The following CFAP77 variants were observed in gnomAD, a reference collection of about 807,000 sequenced individuals.
The protein encoded by CFAP77 is cilia- and flagella-associated protein 77.
A neutral mutation model predicts 31.1 loss-of-function variants in CFAP77; 25 were observed. That is an observed-to-expected ratio of 0.80 (90% CI 0.59 to 1.12). The LOEUF is 1.12. Among genes scored for constraint, CFAP77 ranks in the 50% most tolerant of loss-of-function variants. CFAP77 has a pLI of 0.00. For missense variants in CFAP77, 377 were observed against 397.3 expected, an observed-to-expected ratio of 0.95 and a Z score of 0.44; for synonymous variants, 151 against 159.9, an observed-to-expected ratio of 0.94 and a Z score of 0.42.
chr9:132,416,497 C>T (rs34434060), intron 1 of CFAP77, among the ~76,000 whole-genome samples: 6,529 of 151,938 alleles, frequency 0.043, 184 homozygotes, highest in Non-Finnish European at 0.063. Flanking sequence ...TGTGCCACCA[C>T]GCCCAGCTAA....
chr9:132,488,490 A>G (rs1436444911), intron 1 of CFAP77, among the ~76,000 whole-genome samples: 1 of 152,072 alleles, frequency 6.6e-6, no homozygotes, highest in Non-Finnish European at 1.5e-5. Flanking sequence ...AGTTAAGGGG[A>G]AAAAAAAGTA....
chr9:132,524,937 T>C (rs1852331251), intron 3 of CFAP77, among the ~76,000 whole-genome samples: 1 of 147,584 alleles, frequency 6.8e-6, no homozygotes, highest in Non-Finnish European at 1.5e-5. Flanking sequence ...CGTGAGCCAC[T>C]GTACCCGGCC....
At chr9:132,534,598 G>A (rs1254355013) in intron 3 of CFAP77, among the ~76,000 whole-genome samples, 27 of 137,818 alleles carry the variant, frequency 2.0e-4, no homozygotes, top group Admixed American at 4.5e-4. Context: ...GCAACAGAGC[G>A]AGACTCTGTC....
At chr9:132,452,202 C>T (rs1850840320) in intron 1 of CFAP77, among the ~76,000 whole-genome samples, 2 of 152,208 alleles carry the variant, frequency 1.3e-5, no homozygotes, top group African/African-American at 4.8e-5. Flanking sequence ...ATGCATGTGT[C>T]TCCTCCCAGT....
chr9:132,413,530 A>G (rs540255949), intron 1 of CFAP77, among the ~76,000 whole-genome samples: 1 of 152,326 alleles, frequency 6.6e-6, no homozygotes, highest in East Asian at 1.9e-4. Context: ...AATAAAATTA[A>G]ATAGAGAAAG....
intron 3 of CFAP77, among the ~76,000 whole-genome samples, chr9:132,512,413 G>A (rs1048845508): frequency 1.3e-5 from 2 of 152,230 alleles, no homozygotes; most frequent in Non-Finnish European, 2.9e-5. Context: ...CAGGCTGGAG[G>A]AGGGTTAGGA....
intron 3 of CFAP77, among the ~76,000 whole-genome samples, chr9:132,535,058 G>T (rs987046493): frequency 6.6e-6 from 1 of 152,218 alleles, no homozygotes; most frequent in African/African-American, 2.4e-5. Flanking sequence ...GGCACTAGGG[G>T]TGCTCACTGC....
chr9:132,514,945 G>A (rs1852119743), intron 3 of CFAP77, among the ~76,000 whole-genome samples: 1 of 152,174 alleles, frequency 6.6e-6, no homozygotes, highest in Non-Finnish European at 1.5e-5. Context: ...AGCCTCCGGG[G>A]CGCCAGAGCT....
At chr9:132,447,653 A>AGAGGT (rs1850749349) in intron 1 of CFAP77, among the ~76,000 whole-genome samples, 1 of 152,230 alleles carries the variant, frequency 6.6e-6, no homozygotes, top group Admixed American at 6.5e-5. Flanking sequence ...TTCGGACCTA[A>AGAGGT]CACTCCTCTC....
chr9:132,514,280 C>T (rs911044336), intron 3 of CFAP77, among the ~76,000 whole-genome samples: 8 of 152,172 alleles, frequency 5.3e-5, no homozygotes, highest in Admixed American at 3.9e-4. Flanking sequence ...TCATTGACCA[C>T]GGGTGATAGT....
intron 5 of CFAP77, among the ~76,000 whole-genome samples, chr9:132,550,612 C>A (rs555577566): frequency 6.7e-6 from 1 of 149,966 alleles, no homozygotes; most frequent in Admixed American, 6.7e-5. Context: ...GCAGCCTCTA[C>A]CTCCCAGTCT....
intron 1 of CFAP77, among the ~76,000 whole-genome samples, chr9:132,433,373 A>T (rs787881): frequency 0.15 from 22,010 of 151,714 alleles, 2,967 homozygotes; most frequent in African/African-American, 0.36. Flanking sequence ...CCCTTACCAC[A>T]CTCTGTGAGT....
chr9:132,493,795 T>C (rs1851690724), intron 1 of CFAP77, among the ~76,000 whole-genome samples: 1 of 152,272 alleles, frequency 6.6e-6, no homozygotes, highest in African/African-American at 2.4e-5. Context: ...ACACATGTGG[T>C]TGCCCACAGT....
At chr9:132,428,929 T>C (rs1321359347) in intron 1 of CFAP77, among the ~76,000 whole-genome samples, 1 of 152,160 alleles carries the variant, frequency 6.6e-6, no homozygotes, top group East Asian at 1.9e-4. Context: ...GTGACTGCTT[T>C]GGGCTTGGGT....
intron 1 of CFAP77, among the ~76,000 whole-genome samples, chr9:132,470,459 G>A (rs1332659469): frequency 2.0e-5 from 3 of 152,206 alleles, no homozygotes; most frequent in Admixed American, 6.5e-5. Flanking sequence ...AGGTGGTGGT[G>A]ACAGTGCTGG....
At chr9:132,542,012 C>T (rs530564370) in intron 4 of CFAP77, among the ~76,000 whole-genome samples, 6 of 152,300 alleles carry the variant, frequency 3.9e-5, no homozygotes, top group Non-Finnish European at 8.8e-5. Context: ...GAAAGGTCTA[C>T]AGTTTGGAAT....
intron 1 of CFAP77, among the ~76,000 whole-genome samples, chr9:132,418,319 T>G (rs1362690139): frequency 6.6e-6 from 1 of 152,208 alleles, no homozygotes; most frequent in East Asian, 1.9e-4. Context: ...TGCTATACAC[T>G]GGACAGCGCT....
intron 5 of CFAP77, among the ~76,000 whole-genome samples, chr9:132,556,726 G>T (rs1052020794): frequency 6.6e-6 from 1 of 152,200 alleles, no homozygotes. Context: ...ACTGACAAGT[G>T]GGCGATCATT....
chr9:132,563,310 G>A (rs1564253853), intron 5 of CFAP77, among the ~76,000 whole-genome samples: 2 of 152,166 alleles, frequency 1.3e-5, no homozygotes, highest in African/African-American at 2.4e-5. Flanking sequence ...CACTGCACCC[G>A]GCCTATTGAG....
Sources: gnomAD v4.1 joint callset for allele counts (sites outside exome capture counted in the v4.1 genomes callset) on GRCh38, gnomAD v4.1.1 for gene constraint, MANE v1.5 for transcripts, NCBI Gene and HGNC (gene_info 2026-07-23, HGNC 2026-07-21) for gene names.